Variants in HIVEP3 observed in about 807,000 individuals in gnomAD.
HIVEP3 encodes the protein HIVEP zinc finger 3.
In HIVEP3, 49 loss-of-function variants were observed where a neutral mutation model predicts 152.8. The observed-to-expected ratio is 0.32, with a 90% confidence interval of 0.26 to 0.41. The LOEUF is 0.41. HIVEP3 is among the 10% of genes least tolerant of loss of function. The pLI, the probability that HIVEP3 is intolerant of heterozygous loss-of-function variation, is 1.00. For synonymous variants in HIVEP3, 1,269 were observed against 1,289.0 expected (o/e 0.98, Z 0.33); for missense variants, 2,790 against 3,103.3 (o/e 0.90, Z 2.40).
At chr1:42,015,729 T>C (rs1454361468) in intron 1 of HIVEP3, among the ~76,000 whole-genome samples, 1 of 152,220 alleles carries the variant, frequency 6.6e-6, no homozygotes, top group Non-Finnish European at 1.5e-5. Flanking sequence ...AAATCCACTA[T>C]GTCACTTGTC....
intron 1 of HIVEP3, among the ~76,000 whole-genome samples, chr1:41,760,404 C>A (rs970908209): frequency 7.2e-5 from 11 of 152,144 alleles, no homozygotes; most frequent in African/African-American, 2.7e-4. Flanking sequence ...TGTCTCTGGG[C>A]TTCTCTGCTG....
intron 1 of HIVEP3, among the ~76,000 whole-genome samples, chr1:41,745,792 C>G (rs926063058): frequency 6.6e-6 from 1 of 152,162 alleles, no homozygotes; most frequent in Non-Finnish European, 1.5e-5. Flanking sequence ...TGGCCAGAGG[C>G]TCTCCTCTTT....
intron 2 of HIVEP3, among the ~76,000 whole-genome samples, chr1:41,667,872 C>T (rs952012373): frequency 1.3e-5 from 2 of 152,148 alleles, no homozygotes; most frequent in Non-Finnish European, 2.9e-5. Flanking sequence ...AGAAGCCCCC[C>T]CCAAGCCCCC....
chr1:41,783,208 T>C (rs1649152656), intron 1 of HIVEP3, among the ~76,000 whole-genome samples: 1 of 152,118 alleles, frequency 6.6e-6, no homozygotes, highest in Non-Finnish European at 1.5e-5. Context: ...TGGCAGAAGC[T>C]GGCACGGACT....
chr1:41,901,777 G>A (rs12404820), intron 1 of HIVEP3, among the ~76,000 whole-genome samples: 8,359 of 152,192 alleles, frequency 0.055, 250 homozygotes, highest in South Asian at 0.091. Flanking sequence ...CCAGGAGGCT[G>A]CCTCACTCAC....
At chr1:41,665,048 G>A (rs1340714046) in intron 2 of HIVEP3, among the ~76,000 whole-genome samples, 1 of 152,126 alleles carries the variant, frequency 6.6e-6, no homozygotes, top group Non-Finnish European at 1.5e-5. Flanking sequence ...GTGTCAGCTG[G>A]GGAGCCCTCA....
In HIVEP3 at chr1:41,584,201, C is replaced by T; in HGVS notation, c.597G>A (p.Arg199=). The stretch of plus-strand genomic sequence containing the variant: ...GGAGCACGCTGGGCTTGGCACAGGG[C>T]CGGCTGCAGTACTGGCAGATGTACT... ...PGKYICQYCS[R]PCAKPSVLQK... The change falls in exon 4 of 9, where the codon CGG becomes CGA. Residue 199 remains arginine (R), a synonymous_variant. Transcript: ENST00000372583. This position sits in a 1 kb window ranked among gnomAD's most constrained non-coding sequence, Gnocchi z 5.2. 6.2e-7 allele frequency: 1 copy of T among 1,614,150 alleles called. No individual in the cohort carries two copies. Among genetic ancestry groups the T allele is most frequent in the South Asian group, 1.1e-5 (1 of 91,076 alleles).
chr1:41,693,143 A>G (rs1646221378), intron 2 of HIVEP3, among the ~76,000 whole-genome samples: 1 of 152,046 alleles, frequency 6.6e-6, no homozygotes, highest in African/African-American at 2.4e-5. Flanking sequence ...CAGACTCCAC[A>G]CTCTTAACTA....
chr1:42,028,447 T>G (rs1387018439), intron 1 of HIVEP3, among the ~76,000 whole-genome samples: 1 of 152,194 alleles, frequency 6.6e-6, no homozygotes, highest in Non-Finnish European at 1.5e-5. Context: ...GACACACAGC[T>G]TCTTTACTCA....
rs1244707509 is a variant in HIVEP3 at position 41,533,310 on chromosome 1, A to G, written c.5208-8400T>C. On this transcript the variant is annotated intron_variant, in intron 5 of 8. Transcript: ENST00000372583. The surrounding 1 kb of genome is among the most constrained non-coding windows in gnomAD (Gnocchi z 4.3). ...CTCCTGCGGTGCCAGAGCCCACCCC[A>G]CCCACTGTCCTCTCCCACAGCTTCC... Among the ~76,000 whole-genome samples, 2 of 151,646 alleles carry G rather than the reference A, an allele frequency of 1.3e-5. No homozygotes were observed. Among genetic ancestry groups the G allele is most frequent in the African/African-American group, 2.4e-5 (1 of 41,264 alleles).
At chr1:41,866,035 G>T (rs1401902921) in intron 1 of HIVEP3, among the ~76,000 whole-genome samples, 1 of 152,190 alleles carries the variant, frequency 6.6e-6, no homozygotes, top group Non-Finnish European at 1.5e-5. Context: ...TGGCAACTGG[G>T]CCCTACTGTC....
chr1:41,794,508 C>T (rs781748796), intron 1 of HIVEP3, among the ~76,000 whole-genome samples: 2 of 152,010 alleles, frequency 1.3e-5, no homozygotes, highest in Non-Finnish European at 2.9e-5. Flanking sequence ...TGCCAAAATG[C>T]CCTTTGGATA....
chr1:41,950,688 T>A (rs912995519), intron 1 of HIVEP3, among the ~76,000 whole-genome samples: 7 of 152,220 alleles, frequency 4.6e-5, no homozygotes, highest in African/African-American at 1.7e-4. Flanking sequence ...TCCATTAATA[T>A]AACATGTAAA....
chr1:41,549,714 TG>T (rs1267511994), intron 5 of HIVEP3, among the ~76,000 whole-genome samples: 1 of 152,264 alleles, frequency 6.6e-6, no homozygotes, highest in African/African-American at 2.4e-5. Context: ...CACTTTTTGA[TG>T]GGGTTGTTTG....
chr1:41,701,704 A>G (rs1321311082), intron 1 of HIVEP3, among the ~76,000 whole-genome samples: 2 of 152,262 alleles, frequency 1.3e-5, no homozygotes, highest in Non-Finnish European at 2.9e-5. Flanking sequence ...AATAAACAAT[A>G]CAAAAGTTAC....
In HIVEP3 at chr1:41,533,940, C is replaced by T. The variant is rs1196710162; in HGVS notation, c.5208-9030G>A. Among the ~76,000 whole-genome samples the T allele has an allele frequency of 8.1e-3, 19 of 2,344 alleles. No homozygotes were observed. The highest frequency in any genetic ancestry group is 0.029 in the Non-Finnish European group (2 of 70). 1.5% of individuals were successfully genotyped at this position (2,344 alleles called of 152,430 possible). On this transcript the variant is annotated intron_variant, in intron 5 of 8. Coordinates refer to ENST00000372583, the MANE Select transcript of HIVEP3 (RefSeq NM_024503.5). This position sits in a 1 kb window ranked among gnomAD's most constrained non-coding sequence, Gnocchi z 4.3. The stretch of plus-strand genomic sequence containing the variant: ...CCTGCAGTGTCTGCTCCTGGGTCCC[C>T]GTTCTCTCTCAGCAAGCAGCACCTG...
chr1:41,520,354 G>A (rs1291505407), intron 6 of HIVEP3, among the ~76,000 whole-genome samples: 4 of 152,120 alleles, frequency 2.6e-5, no homozygotes, highest in South Asian at 2.1e-4. Context: ...TCCTACAACC[G>A]GAAATAAATC....
intron 2 of HIVEP3, among the ~76,000 whole-genome samples, chr1:41,667,364 G>C (rs969401077): frequency 2.6e-5 from 4 of 152,218 alleles, no homozygotes; most frequent in African/African-American, 7.2e-5. Flanking sequence ...CTATACTTCA[G>C]ACTGAGACCT....
chr1:41,544,619 CACT>C (rs1180689187), intron 5 of HIVEP3, among the ~76,000 whole-genome samples: 6 of 149,126 alleles, frequency 4.0e-5, no homozygotes, highest in Non-Finnish European at 9.0e-5. Context: ...TCACCGCCAC[CACT>C]ATCATCGCTA....
Sources: allele counts gnomAD v4.1 joint callset (sites outside exome capture counted in the v4.1 genomes callset), GRCh38; gene constraint gnomAD v4.1.1; non-coding constraint Gnocchi (gnomAD v3.1); transcripts MANE v1.5; gene names NCBI Gene and HGNC (gene_info 2026-07-23, HGNC 2026-07-21).